WDR59: variants seen among roughly 807,000 people sequenced by gnomAD.
WDR59 encodes WD repeat domain 59.
A neutral mutation model predicts 131.2 loss-of-function variants in WDR59; 100 were observed. That is an observed-to-expected ratio of 0.76 (90% CI 0.65 to 0.90). The LOEUF (loss-of-function observed/expected upper bound fraction) is 0.90, where lower values mean the gene tolerates loss of function less well. WDR59 is among the 40% of genes least tolerant of loss of function. WDR59 has a pLI of 0.00. For synonymous variants in WDR59, 601 were observed against 466.2 expected (o/e 1.29, Z -3.72); for missense variants, 1,203 against 1,262.2 (o/e 0.95, Z 0.71).
intron 18 of WDR59, among the ~76,000 whole-genome samples, chr16:74,896,618 G>C (rs2031577372): frequency 6.8e-6 from 1 of 146,958 alleles, no homozygotes; most frequent in South Asian, 2.1e-4. Flanking sequence ...CTGGGCAACA[G>C]AGCAAGACCC....
intron 1 of WDR59, among the ~76,000 whole-genome samples, chr16:74,973,029 C>T (rs964197789): frequency 8.6e-5 from 13 of 150,896 alleles, no homozygotes; most frequent in Admixed American, 8.0e-4. Context: ...GGTCTGAGGT[C>T]GGGAGTTTGA....
chr16:74,938,342 G>A (rs2031965368), intron 7 of WDR59, 76 bp from the exon 8 acceptor site: 1 of 1,044,916 alleles, frequency 9.6e-7, no homozygotes, highest in African/African-American at 1.7e-5. Context: ...AGTCTGCTAG[G>A]TAGTGAGTGA....
intron 2 of WDR59, among the ~76,000 whole-genome samples, chr16:74,958,289 A>C (rs1405533914): frequency 1.3e-5 from 2 of 152,112 alleles, no homozygotes; most frequent in African/African-American, 4.8e-5. Context: ...ATGGTAATTG[A>C]TCTAAAGAAA....
chr16:74,889,927 G>T (rs1323713405), intron 20 of WDR59, 112 bp from the exon 21 acceptor site: 2 of 696,212 alleles, frequency 2.9e-6, no homozygotes, highest in Non-Finnish European at 4.7e-6. Context: ...TACATTGGGG[G>T]CAGCAAAAGC....
At position 74,965,790 on chromosome 16, in the gene WDR59, C is replaced by T. The variant is rs1408437080; in HGVS notation, c.87G>A (p.Gln29=). 1 of 1,613,896 alleles carries T rather than the reference C, an allele frequency of 6.2e-7. No individual in the cohort carries two copies. The highest frequency in any genetic ancestry group is 8.5e-7 in the Non-Finnish European group (1 of 1,179,946). ...ATAMSVDCLG[Q]HAVLSGRRFL... is the part of the protein sequence containing the mutation. ...TTACTTACCCAGAAAGCACTGCATG[C>T]TGCCCAAGACAGTCCACAGACATCG... Residue 29 remains glutamine, a synonymous_variant, in exon 2 of 26, where the codon CAG becomes CAA. Coordinates refer to ENST00000262144, the MANE Select transcript of WDR59 (RefSeq NM_030581.4).
intron 2 of WDR59, among the ~76,000 whole-genome samples, chr16:74,963,955 G>A (rs2033665380): frequency 6.6e-6 from 1 of 150,896 alleles, no homozygotes; most frequent in Non-Finnish European, 1.5e-5. Flanking sequence ...ATGAAATGAG[G>A]CCAAGGTGAG....
At chr16:74,905,774 A>C (rs1965779037) in intron 17 of WDR59, among the ~76,000 whole-genome samples, 1 of 152,062 alleles carries the variant, frequency 6.6e-6, no homozygotes, top group Admixed American at 6.5e-5. Flanking sequence ...AATTAGGACA[A>C]TTTGTTCATT....
rs528974250 is a variant in WDR59, at chr16:74,874,023, C to T, written c.*186G>A. 1.5e-5 allele frequency: 9 copies of T among 597,624 alleles called. 1 individual carries two copies. The South Asian group carries it at 1.8e-4, about 12-fold the overall frequency. 37.0% of individuals were successfully genotyped at this position (597,624 alleles called of 1,614,324 possible). A position where few individuals can be genotyped will look rare whatever the true frequency, so the allele number is the denominator to read the frequency against. Reference sequence around the variant, plus strand: ...TTATCTTCACACAGTGACATCCACACCAGGTGGCCAAACAGAAGAGAAGGC... The same window carrying T: ...TTATCTTCACACAGTGACATCCACATCAGGTGGCCAAACAGAAGAGAAGGC... On this transcript the variant is annotated 3_prime_UTR_variant, in exon 26 of 26. Transcript: ENST00000262144.
intron 7 of WDR59, among the ~76,000 whole-genome samples, chr16:74,940,644 A>T (rs1231793897): frequency 6.6e-6 from 1 of 152,154 alleles, no homozygotes; most frequent in Non-Finnish European, 1.5e-5. Flanking sequence ...AAGTGAAAAT[A>T]TAATCAACAA....
rs8049241 is a variant in WDR59, at chr16:74,956,408, G to T, written c.240+67C>A. On this transcript the variant is annotated intron_variant, in intron 3 of 25. Transcript: ENST00000262144. ...GACTGCATTCTCTTCTCTACACAGG[G>T]CATAGATCTGCCAGCCCCAGATGAC... The T allele has an allele frequency of 2.7e-3, 4,250 of 1,577,168 alleles. 82 individuals carry two copies. In the African/African-American group the frequency reaches 0.047, roughly 18 times the overall value.
Position 74,923,928 on chromosome 16 carries a change from T to C in WDR59, c.727A>G (p.Thr243Ala), listed in dbSNP as rs779690325. The change falls in exon 9 of 26, where the codon ACA (threonine) becomes GCA (alanine). Residue 243 changes from threonine to alanine, a missense_variant and splice_region_variant. Transcript: ENST00000262144. ...CQVPVWKARY[T>A]PFSNGLVTVM... Reference sequence around the variant, plus strand: ...AAGAGGCAGGGTGGCTCACTCACTGTGTATCTGGCCTTCCAGACAGGCACC... The same window carrying C: ...AAGAGGCAGGGTGGCTCACTCACTGCGTATCTGGCCTTCCAGACAGGCACC... The C allele has an allele frequency of 1.2e-6, 2 of 1,613,396 alleles. No individual in the cohort carries two copies. The highest frequency in any genetic ancestry group is 8.5e-7 in the Non-Finnish European group (1 of 1,179,908).
chr16:74,916,061 G>T (rs1423337391), intron 12 of WDR59, 66 bp downstream of exon 12: 6 of 1,613,792 alleles, frequency 3.7e-6, no homozygotes, highest in Non-Finnish European at 8.5e-7. Flanking sequence ...CAGGTCTGGG[G>T]TATCTGCCAC....
intron 25 of WDR59, among the ~76,000 whole-genome samples, chr16:74,876,751 A>G (rs893925185): frequency 6.6e-6 from 1 of 152,158 alleles, no homozygotes; most frequent in African/African-American, 2.4e-5. Context: ...CCCTGTATAT[A>G]CACAATGGAA....
intron 11 of WDR59, among the ~76,000 whole-genome samples, chr16:74,916,777 T>G (rs1966409543): frequency 6.6e-6 from 1 of 150,912 alleles, no homozygotes; most frequent in Admixed American, 6.6e-5. Flanking sequence ...GAGAATCACT[T>G]GAACCCAGGA....
intron 20 of WDR59, among the ~76,000 whole-genome samples, chr16:74,890,610 A>G (rs1964990853): frequency 6.6e-6 from 1 of 152,206 alleles, no homozygotes; most frequent in South Asian, 2.1e-4. Flanking sequence ...CTCTGAAGCT[A>G]AAAAGTAACA....
chr16:74,904,268 C>G (rs143834998), intron 17 of WDR59, 168 bp from the exon 18 acceptor site: 16 of 736,224 alleles, frequency 2.2e-5, no homozygotes, highest in Middle Eastern at 3.9e-4. Context: ...TTTATCTGCA[C>G]AAGCATAGAA....
intron 25 of WDR59, among the ~76,000 whole-genome samples, chr16:74,883,328 C>T (rs1217163393): frequency 6.6e-6 from 1 of 152,034 alleles, no homozygotes; most frequent in Non-Finnish European, 1.5e-5. Context: ...CGGCCACACC[C>T]CGGTTTTTAA....
At chr16:74,915,373 G>A (rs1030458266) in intron 13 of WDR59, 2 of 152,418 alleles carry the variant, frequency 1.3e-5, no homozygotes, top group African/African-American at 2.4e-5. Context: ...AAGAATAGGG[G>A]TAGAAAGAAA....
intron 1 of WDR59, among the ~76,000 whole-genome samples, chr16:74,981,660 A>ATTT (rs1181233727): frequency 6.2e-5 from 5 of 80,878 alleles, no homozygotes; most frequent in African/African-American, 2.9e-4. Context: ...ATATATATAT[A>ATTT]TTTTTTTTTT....
Sources: gnomAD v4.1 joint callset for allele counts (sites outside exome capture counted in the v4.1 genomes callset) on GRCh38, gnomAD v4.1.1 for gene constraint, MANE v1.5 for transcripts, NCBI Gene and HGNC (gene_info 2026-07-23, HGNC 2026-07-21) for gene names.